The following CLIC4 variants were observed in gnomAD, a reference collection of about 807,000 sequenced individuals.
CLIC4 encodes chloride intracellular channel protein 4.
CLIC4 carries 13 observed loss-of-function variants against 24.6 expected under a neutral mutation model. That is an observed-to-expected ratio of 0.53 (90% CI 0.34 to 0.84). The LOEUF is 0.84. Among genes scored for constraint, CLIC4 ranks in the 40% least tolerant of loss-of-function variants. CLIC4 has a pLI of 0.01. For missense variants in CLIC4, 227 were observed against 301.7 expected (o/e 0.75, Z 1.83); for synonymous variants, 104 against 111.3 (o/e 0.93, Z 0.41).
Position 24,756,617 on chromosome 1 carries a change from G to A in CLIC4, c.72+10992G>A, listed in dbSNP as rs116356413. 8.9e-3 allele frequency among the ~76,000 whole-genome samples: 1,351 copies of A among 152,280 alleles called. 15 individuals are homozygous for A. The Middle Eastern group carries it at 0.095, about 11-fold the overall frequency. ...AACTTAAGTATTGAATTTTACCACTGTGCAGCATAGCTATTTATTTGTGTA... is the reference window on the plus strand; with the variant it reads ...AACTTAAGTATTGAATTTTACCACTATGCAGCATAGCTATTTATTTGTGTA... On this transcript the variant is annotated intron_variant, in intron 1 of 5. Transcript: ENST00000374379.
Position 24,797,797 on chromosome 1 carries a change from T to G in CLIC4, c.128T>G (p.Met43Arg). 1 of 1,613,816 alleles carries G rather than the reference T, an allele frequency of 6.2e-7. No homozygotes were observed. The highest frequency in any genetic ancestry group is 8.5e-7 in the Non-Finnish European group (1 of 1,179,892). ...TGCCCCTTTTCCCAGAGGCTCTTCA[T>G]GATTCTTTGGCTCAAAGGAGTTGTA... ...GNCPFSQRLF[M>R]ILWLKGVVFS... The change falls in exon 2 of 6, where the codon ATG becomes AGG. Residue 43 changes from methionine (M) to arginine (R), a missense_variant. Met to Arg is a moderately conservative substitution (Grantham distance 91). Transcript: ENST00000374379.
chr1:24,824,008 T>G (rs1046184299), intron 3 of CLIC4, among the ~76,000 whole-genome samples: 1 of 152,200 alleles, frequency 6.6e-6, no homozygotes, highest in African/African-American at 2.4e-5. Flanking sequence ...ACTTAGCCTT[T>G]TATTATTTGC....
At chr1:24,835,705 T>C (rs1378682285) in intron 4 of CLIC4, among the ~76,000 whole-genome samples, 6 of 152,174 alleles carry the variant, frequency 3.9e-5, no homozygotes, top group African/African-American at 1.2e-4. Flanking sequence ...TAAACTTTAA[T>C]GAGTCAAGGA....
rs1312216576 is a variant in CLIC4 at position 24,843,988 on chromosome 1, G to A, written c.*3051G>A. 3 of 152,554 alleles carry A rather than the reference G, an allele frequency of 2.0e-5. No homozygotes were observed. The highest frequency in any genetic ancestry group is 6.5e-5 in the Admixed American group (1 of 15,276). The allele number at this position is 152,554 out of a possible 1,614,324, so 9.5% of individuals were successfully genotyped here. On this transcript the variant is annotated 3_prime_UTR_variant, in exon 6 of 6. Transcript: ENST00000374379. ...TGAATTTAAGCATTTAATTCAAAGA[G>A]AGGGGAGCATCCATTATTGATACAT...
chr1:24,815,132 ATACTG>A (rs1039728910), intron 3 of CLIC4, among the ~76,000 whole-genome samples: 2 of 152,222 alleles, frequency 1.3e-5, no homozygotes, highest in African/African-American at 4.8e-5. Context: ...TTACAGTAGT[ATACTG>A]TAGTGTTTTA....
intron 2 of CLIC4, among the ~76,000 whole-genome samples, chr1:24,801,148 TCA>T (rs1231136924): frequency 3.9e-5 from 6 of 152,184 alleles, no homozygotes. Flanking sequence ...GATGCAAGTG[TCA>T]CAACATGATT....
intron 4 of CLIC4, among the ~76,000 whole-genome samples, chr1:24,838,592 A>G (rs1015334392): frequency 7.9e-5 from 12 of 152,114 alleles, no homozygotes; most frequent in Admixed American, 7.9e-4. Context: ...TTAAAACTAC[A>G]TGGTTTGCCA....
intron 1 of CLIC4, among the ~76,000 whole-genome samples, chr1:24,781,426 G>A (rs1370215671): frequency 6.6e-6 from 1 of 151,628 alleles, no homozygotes; most frequent in Non-Finnish European, 1.5e-5. Flanking sequence ...ACAGGTGTGA[G>A]CCACCGCGTC....
chr1:24,841,202 A>G lies in CLIC4; in HGVS notation c.*265A>G, dbSNP rs1348110863. 8.3e-6 allele frequency: 2 copies of G among 241,622 alleles called. No individual in the cohort carries two copies. Among genetic ancestry groups the G allele is most frequent in the Non-Finnish European group, 1.6e-5 (2 of 126,316 alleles). 15.0% of individuals were successfully genotyped at this position (241,622 alleles called of 1,614,324 possible). A position where few individuals can be genotyped will look rare whatever the true frequency, so the allele number is the denominator to read the frequency against. On this transcript the variant is annotated 3_prime_UTR_variant, in exon 6 of 6. Transcript: ENST00000374379. ...GGAGACACTCCACCACAAACTTTTC[A>G]CTTTAGAGGTAGCTTGCCATCTCTC...
At chr1:24,785,489 G>C (rs940746951) in intron 1 of CLIC4, among the ~76,000 whole-genome samples, 2 of 152,172 alleles carry the variant, frequency 1.3e-5, no homozygotes, top group African/African-American at 4.8e-5. Flanking sequence ...ATGCTCTGCA[G>C]ACCCTGTAGA....
intron 3 of CLIC4, among the ~76,000 whole-genome samples, chr1:24,824,118 T>C (rs1222670513): frequency 6.6e-6 from 1 of 152,208 alleles, no homozygotes; most frequent in Non-Finnish European, 1.5e-5. Context: ...TAAATTACAA[T>C]GTAATGTTTG....
At chr1:24,824,384 C>T (rs946988330) in intron 3 of CLIC4, among the ~76,000 whole-genome samples, 2 of 152,206 alleles carry the variant, frequency 1.3e-5, no homozygotes, top group South Asian at 2.1e-4. Flanking sequence ...TCTCCTGCCT[C>T]AGACTCCTGA....
At chr1:24,750,480 C>T (rs1260294553) in intron 1 of CLIC4, among the ~76,000 whole-genome samples, 7 of 149,496 alleles carry the variant, frequency 4.7e-5, no homozygotes, top group Non-Finnish European at 1.0e-4. Context: ...CTTGTTACCC[C>T]TCAGCCTCCC....
In CLIC4 at chr1:24,805,570, A is replaced by AT. The variant is rs200531438; in HGVS notation, c.182+7728dup. Among the ~76,000 whole-genome samples the AT allele has an allele frequency of 9.4e-4, 142 of 151,634 alleles. 1 individual carries two copies. In the East Asian group the frequency reaches 0.021, roughly 23 times the overall value. On this transcript the variant is annotated intron_variant, in intron 2 of 5. Transcript: ENST00000374379. ...ATCAGCACCTTCAAAAAGGAACTCGATTTTTTTTTGTTATTGTTCTCTTTC... is the reference window on the plus strand; with the variant it reads ...ATCAGCACCTTCAAAAAGGAACTCGATTTTTTTTTTGTTATTGTTCTCTTTC...
At chr1:24,800,635 T>C (rs1022203679) in intron 2 of CLIC4, among the ~76,000 whole-genome samples, 1 of 151,794 alleles carries the variant, frequency 6.6e-6, no homozygotes. Flanking sequence ...GCGGGAAAGG[T>C]GGGGAGAAGA....
intron 1 of CLIC4, among the ~76,000 whole-genome samples, chr1:24,749,620 T>C (rs1453577689): frequency 6.6e-6 from 1 of 152,132 alleles, no homozygotes; most frequent in Non-Finnish European, 1.5e-5. Context: ...TTTGTTTTGT[T>C]TTACCCTCAA....
At chr1:24,838,205 C>T (rs1248737485) in intron 4 of CLIC4, among the ~76,000 whole-genome samples, 1 of 152,178 alleles carries the variant, frequency 6.6e-6, no homozygotes, top group Non-Finnish European at 1.5e-5. Context: ...AAGATCTAAA[C>T]TCTCTGAGGA....
chr1:24,752,389 C>T (rs910848738), intron 1 of CLIC4, among the ~76,000 whole-genome samples: 3 of 152,138 alleles, frequency 2.0e-5, no homozygotes, highest in Non-Finnish European at 2.9e-5. Context: ...CTTTCCTCCT[C>T]AGAGTCATTA....
chr1:24,829,869 A>G (rs1284077662), intron 4 of CLIC4, among the ~76,000 whole-genome samples: 1 of 152,232 alleles, frequency 6.6e-6, no homozygotes, highest in Non-Finnish European at 1.5e-5. Flanking sequence ...GTAAGCCTGC[A>G]TTGTATATTG....
Sources: allele counts gnomAD v4.1 joint callset (sites outside exome capture counted in the v4.1 genomes callset), GRCh38; gene constraint gnomAD v4.1.1; transcripts MANE v1.5; gene names NCBI Gene and HGNC (gene_info 2026-07-23, HGNC 2026-07-21).